The following SF3B3 variants were observed in gnomAD, a reference collection of about 807,000 sequenced individuals.
SF3B3 encodes the protein SAP 130.
In SF3B3, 33 loss-of-function variants were observed where a neutral mutation model predicts 139.2. The observed-to-expected ratio is 0.24, with a 90% confidence interval of 0.18 to 0.32. The LOEUF is 0.32. Ranked by LOEUF, SF3B3 falls within the 10% of genes least tolerant of loss-of-function variation. SF3B3 has a pLI of 1.00. For missense variants in SF3B3, 818 were observed against 1,509.4 expected, an observed-to-expected ratio of 0.54 and a Z score of 7.59; for synonymous variants, 596 against 563.6, an observed-to-expected ratio of 1.06 and a Z score of -0.81.
chr16:70,533,780 A>T (rs1267363629), intron 5 of SF3B3, among the ~76,000 whole-genome samples: 1 of 152,252 alleles, frequency 6.6e-6, no homozygotes, highest in African/African-American at 2.4e-5. Context: ...ATACTGGAGA[A>T]TAAAAATAAA....
intron 4 of SF3B3, among the ~76,000 whole-genome samples, chr16:70,531,894 A>G (rs1478088846): frequency 6.6e-6 from 1 of 152,264 alleles, no homozygotes; most frequent in Non-Finnish European, 1.5e-5. Flanking sequence ...CTTATAGCAT[A>G]AACTTTGTCA....
At position 70,571,328 on chromosome 16, in the gene SF3B3, C is replaced by T. The variant is rs565035597; in HGVS notation, c.3513+129C>T. ...GACCACAGCCAGAGCAAAGGCTTCA[C>T]CTGCTTCTGCCAATCTGAACTCTGA... On this transcript the variant is annotated intron_variant, in intron 25 of 25. Transcript: ENST00000302516. 3.6e-4 allele frequency: 242 copies of T among 665,088 alleles called. 6 individuals are homozygous for T. The highest frequency in any genetic ancestry group is 3.6e-3 in the South Asian group (200 of 55,906). The allele number at this position is 665,088 out of a possible 1,614,324, so 41.2% of individuals were successfully genotyped here. A position where few individuals can be genotyped will look rare whatever the true frequency, so the allele number is the denominator to read the frequency against.
At chr16:70,566,298 C>T (rs1567425036) in intron 20 of SF3B3, among the ~76,000 whole-genome samples, 1 of 152,012 alleles carries the variant, frequency 6.6e-6, no homozygotes, top group East Asian at 1.9e-4. Context: ...CATGGTGTCT[C>T]ACGCCTGTAA....
At chr16:70,562,979 G>T (rs2050443714) in intron 17 of SF3B3, among the ~76,000 whole-genome samples, 2 of 151,998 alleles carry the variant, frequency 1.3e-5, no homozygotes, top group African/African-American at 4.8e-5. Context: ...GTAGGCGCAT[G>T]CCATCATGCC....
intron 5 of SF3B3, 138 bp downstream of exon 5, chr16:70,532,758 A>G (rs988423409): frequency 6.1e-6 from 5 of 824,830 alleles, no homozygotes; most frequent in Non-Finnish European, 7.7e-6. Flanking sequence ...GACAGGTTAG[A>G]AGTTCATGTG....
intron 10 of SF3B3, among the ~76,000 whole-genome samples, chr16:70,544,845 T>C (rs1397110907): frequency 6.6e-6 from 1 of 151,974 alleles, no homozygotes; most frequent in East Asian, 1.9e-4. Context: ...TAAGCCACTG[T>C]GCCCAGCCTG....
Position 70,547,418 on chromosome 16 carries a change from A to G in SF3B3, c.1330-952A>G, listed in dbSNP as rs1006561330. ...CAAAGACAGTACAGAGAGTTCCTGT[A>G]TAACCTACACCCAGTTTTCCCCTCT... On this transcript the variant is annotated intron_variant, in intron 10 of 25. Coordinates refer to ENST00000302516, the MANE Select transcript of SF3B3 (RefSeq NM_012426.5). Among the ~76,000 whole-genome samples the G allele has an allele frequency of 9.3e-4, 141 of 152,342 alleles. 1 individual carries two copies. Among genetic ancestry groups the G allele is most frequent in the South Asian group, 8.3e-4 (4 of 4,832 alleles).
chr16:70,545,604 G>A (rs987021161), intron 10 of SF3B3, among the ~76,000 whole-genome samples: 3 of 152,142 alleles, frequency 2.0e-5, no homozygotes, highest in South Asian at 4.1e-4. Context: ...TGTTTTGAGC[G>A]CTTGGGAATG....
chr16:70,563,716 C>G (rs542057286), intron 17 of SF3B3, 160 bp from the exon 18 acceptor site: 5 of 624,814 alleles, frequency 8.0e-6, no homozygotes, highest in East Asian at 5.6e-5. Context: ...GTGTCTGCAT[C>G]GCAGAGTTTT....
At chr16:70,562,181 A>G (rs1406273019) in intron 17 of SF3B3, among the ~76,000 whole-genome samples, 1 of 152,204 alleles carries the variant, frequency 6.6e-6, no homozygotes, top group Non-Finnish European at 1.5e-5. Flanking sequence ...AGTTATTTAG[A>G]CCTTTTTCAA....
Position 70,565,106 on chromosome 16 carries a change from C to A in SF3B3, c.2505C>A (p.Ala835=). The change falls in exon 19 of 26, where the codon GCC becomes GCA. Residue 835 remains alanine, a synonymous_variant. Transcript: ENST00000302516. ...EAAGEDEREL[A]AEMAAAFLNE... ...CAGGGGAGGATGAGCGGGAGCTGGC[C>A]GCAGAGATGGCAGCAGCATTCCTCA... is the stretch of plus-strand genomic sequence containing the variant. 1 of 1,613,914 alleles carries A rather than the reference C, an allele frequency of 6.2e-7. No individual in the cohort carries two copies. Among genetic ancestry groups the A allele is most frequent in the Non-Finnish European group, 8.5e-7 (1 of 1,180,036 alleles).
At chr16:70,561,807 G>T (rs377339959) in intron 17 of SF3B3, 23 bp downstream of exon 17, 2 of 1,607,790 alleles carry the variant, frequency 1.2e-6, no homozygotes, top group Non-Finnish European at 1.7e-6. Context: ...CATGTTTGAA[G>T]CTCAGCAGGA....
chr16:70,524,461 A>T lies in SF3B3; in HGVS notation c.-71+533A>T, dbSNP rs528197460. On this transcript the variant is annotated intron_variant, in intron 1 of 25. Coordinates refer to ENST00000302516, the MANE Select transcript of SF3B3 (RefSeq NM_012426.5). Reference sequence around the variant, plus strand: ...GATGGAGAAGATGCAGTGAGCAATCATACAAGCTTTTTGTAATAATGGTAA... The same window carrying T: ...GATGGAGAAGATGCAGTGAGCAATCTTACAAGCTTTTTGTAATAATGGTAA... The T allele has an allele frequency of 2.0e-5, 3 of 152,416 alleles. No individual in the cohort carries two copies. In the East Asian group the frequency reaches 5.8e-4, roughly 29 times the overall value. The allele number at this position is 152,416 out of a possible 1,614,324, so 9.4% of individuals were successfully genotyped here.
At chr16:70,526,990 A>T in intron 2 of SF3B3, 1 of 541,106 alleles carries the variant, frequency 1.8e-6, no homozygotes, top group Non-Finnish European at 3.3e-6. Context: ...TCGTGTGCCT[A>T]TTGCTGTAAG....
At chr16:70,537,576 C>G (rs543880622) in intron 6 of SF3B3, among the ~76,000 whole-genome samples, 1 of 152,220 alleles carries the variant, frequency 6.6e-6, no homozygotes, top group Admixed American at 6.5e-5. Flanking sequence ...ATATGTAGTA[C>G]GTAAGATTCC....
intron 10 of SF3B3, among the ~76,000 whole-genome samples, chr16:70,547,228 C>T (rs1410148980): frequency 6.6e-6 from 1 of 152,042 alleles, no homozygotes; most frequent in Non-Finnish European, 1.5e-5. Flanking sequence ...CTAATTATAC[C>T]AGTAAACTAG....
chr16:70,530,550 C>T (rs1316825578), intron 3 of SF3B3, among the ~76,000 whole-genome samples, 195 bp from the exon 4 acceptor site: 1 of 151,710 alleles, frequency 6.6e-6, no homozygotes. Context: ...AACTCCTGAC[C>T]TCAGGTGATC....
chr16:70,526,239 A>G (rs1260403642), intron 1 of SF3B3, among the ~76,000 whole-genome samples: 1 of 151,650 alleles, frequency 6.6e-6, no homozygotes, highest in African/African-American at 2.4e-5. Flanking sequence ...ATGAGGTCTC[A>G]TTCTGTCGCC....
intron 11 of SF3B3, among the ~76,000 whole-genome samples, chr16:70,553,500 T>TTA (rs572186878): frequency 4.2e-4 from 64 of 152,008 alleles, no homozygotes; most frequent in Non-Finnish European, 6.6e-4. Context: ...TGATTTCTGG[T>TTA]TAAGGGGGTG....
Sources: gnomAD v4.1 joint callset for allele counts (sites outside exome capture counted in the v4.1 genomes callset) on GRCh38, gnomAD v4.1.1 for gene constraint, MANE v1.5 for transcripts, NCBI Gene and HGNC (gene_info 2026-07-23, HGNC 2026-07-21) for gene names.